The following RBM26 variants were observed in gnomAD, a reference collection of about 807,000 sequenced individuals.
The protein encoded by RBM26 is RNA binding motif protein 26, also known as RNA-binding protein 26.
A neutral mutation model predicts 123.6 loss-of-function variants in RBM26; 30 were observed. That is an observed-to-expected ratio of 0.24 (90% confidence interval 0.18 to 0.33). The LOEUF (loss-of-function observed/expected upper bound fraction) is 0.33. Ranked by LOEUF, RBM26 falls within the 10% of genes least tolerant of loss-of-function variation. RBM26 has a pLI of 1.00. For synonymous variants in RBM26, 400 were observed against 404.4 expected, an observed-to-expected ratio of 0.99 and a Z score of 0.13; for missense variants, 947 against 1,203.6, an observed-to-expected ratio of 0.79 and a Z score of 3.15.
chr13:79,376,213 T>C (rs1238436094), intron 3 of RBM26: 1 of 152,134 alleles, frequency 6.6e-6, no homozygotes, highest in African/African-American at 2.4e-5. Context: ...TTTGTTTTTT[T>C]TTTCCAGACA....
rs1593858950 is a variant in RBM26 at position 79,320,059 on chromosome 13, A to T, written c.*562T>A. On this transcript the variant is annotated 3_prime_UTR_variant, in exon 22 of 22. Coordinates refer to ENST00000438737, the MANE Select transcript of RBM26 (RefSeq NM_001366735.2). ...CATCTGGATGCATAAGGACTCATGTAAAGCAGTCATACACCATTATCATTA... is the reference window on the plus strand; with the variant it reads ...CATCTGGATGCATAAGGACTCATGTTAAGCAGTCATACACCATTATCATTA... The T allele has an allele frequency of 1.0e-6, 1 of 974,496 alleles. No individual in the cohort carries two copies. Among genetic ancestry groups the T allele is most frequent in the Admixed American group, 6.7e-5 (1 of 15,012 alleles). The allele number at this position is 974,496 out of a possible 1,614,324, so 60.4% of individuals were successfully genotyped here. A position where few individuals can be genotyped will look rare whatever the true frequency, so the allele number is the denominator to read the frequency against.
At chr13:79,357,952 G>A (rs554839362) in intron 11 of RBM26, among the ~76,000 whole-genome samples, 6 of 149,374 alleles carry the variant, frequency 4.0e-5, no homozygotes, top group South Asian at 2.1e-4. Flanking sequence ...GCGCAATCTC[G>A]GCTCGCTGCA....
intron 19 of RBM26, 119 bp from the exon 20 acceptor site, chr13:79,334,549 A>C (rs1438738964): frequency 2.0e-6 from 1 of 508,138 alleles, no homozygotes; most frequent in Non-Finnish European, 3.4e-6. Flanking sequence ...ATAACAATTC[A>C]TAATGGTTAA....
chr13:79,389,827 G>A (rs1398663397), intron 1 of RBM26, among the ~76,000 whole-genome samples: 1 of 152,052 alleles, frequency 6.6e-6, no homozygotes, highest in African/African-American at 2.4e-5. Flanking sequence ...CCCCTAAAAA[G>A]TAATAATTAC....
chr13:79,322,428 T>A lies in RBM26; in HGVS notation c.2855A>T (p.Asp952Val). 6.3e-7 allele frequency: 1 copy of A among 1,577,980 alleles called. No homozygotes were observed. The change falls in exon 21 of 22, where the codon GAT (aspartate) becomes GTT (valine). Residue 952 changes from aspartate to valine, a missense_variant. Coordinates refer to ENST00000438737, the MANE Select transcript of RBM26 (RefSeq NM_001366735.2). ...TGGTTTATTCCATGCCAGTTTTAGA[T>A]CTTGCCCTTTGAAACGAGCTCCATG... The part of the protein sequence containing the change: ...AVHGARFKGQ[D>V]LKLAWNKPVT...
At chr13:79,405,650 G>T in intron 1 of RBM26, 54 bp downstream of exon 1, 1 of 1,306,828 alleles carries the variant, frequency 7.7e-7, no homozygotes, top group Non-Finnish European at 1.1e-6. Flanking sequence ...AGATCTCTGG[G>T]TCCGCCTATC....
At chr13:79,323,334 G>A (rs1004833694) in intron 20 of RBM26, among the ~76,000 whole-genome samples, 1 of 151,478 alleles carries the variant, frequency 6.6e-6, no homozygotes, top group Non-Finnish European at 1.5e-5. Context: ...AATGATATTT[G>A]ACATAAGTTG....
intron 9 of RBM26, among the ~76,000 whole-genome samples, chr13:79,365,036 T>C (rs1030557011): frequency 2.0e-5 from 3 of 152,060 alleles, no homozygotes; most frequent in African/African-American, 7.2e-5. Context: ...GAAATTCCTT[T>C]CCTTCTTGGA....
Position 79,319,118 on chromosome 13 carries a change from C to A in RBM26, c.*1503G>T, listed in dbSNP as rs2067406701. On this transcript the variant is annotated 3_prime_UTR_variant, in exon 22 of 22. Coordinates refer to ENST00000438737, the MANE Select transcript of RBM26 (RefSeq NM_001366735.2). ...AGTGTTACCATCAAGAAAATACACA[C>A]AACTTCAACCCCAATTAGGGGTGTA... The A allele has an allele frequency of 2.0e-6, 2 of 984,494 alleles. 1 individual carries two copies. The highest frequency in any genetic ancestry group is 1.0e-3 in the Middle Eastern group (2 of 1,914). 61.0% of individuals were successfully genotyped at this position (984,494 alleles called of 1,614,324 possible). A position where few individuals can be genotyped will look rare whatever the true frequency, so the allele number is the denominator to read the frequency against.
chr13:79,315,348 T>C (rs1043107494), downstream of RBM26, among the ~76,000 whole-genome samples: 1 of 151,848 alleles, frequency 6.6e-6, no homozygotes, highest in East Asian at 1.9e-4. Flanking sequence ...TTCCAAGATG[T>C]TGTAAATAAA....
chr13:79,351,161 G>C (rs1875288825), intron 14 of RBM26, among the ~76,000 whole-genome samples: 1 of 152,046 alleles, frequency 6.6e-6, no homozygotes, highest in Admixed American at 6.6e-5. Flanking sequence ...TAAAAGCTAT[G>C]AGTACACACT....
chr13:79,373,884 T>TTG lies in RBM26; in HGVS notation c.328-1955_328-1954insCA, dbSNP rs558968809. ...GCTACTAGAAAGCAACCTTGGAAAA[T>TTG]ATTCTCAGTGCTACTTTCTCCAGAC... On this transcript the variant is annotated intron_variant, in intron 3 of 21. Coordinates refer to ENST00000438737, the MANE Select transcript of RBM26 (RefSeq NM_001366735.2). Among the ~76,000 whole-genome samples, 383 of 150,678 alleles carry TTG rather than the reference T, an allele frequency of 2.5e-3. 2 individuals are homozygous for TTG. Among genetic ancestry groups the TTG allele is most frequent in the African/African-American group, 8.4e-3 (346 of 40,980 alleles).
At chr13:79,373,556 CT>C (rs1188401732) in intron 3 of RBM26, among the ~76,000 whole-genome samples, 2 of 97,656 alleles carry the variant, frequency 2.0e-5, no homozygotes, top group South Asian at 2.7e-4. Context: ...TTATATATTA[CT>C]ATATATATTT....
rs537624854 is a variant in RBM26 at position 79,319,915 on chromosome 13, CTTTTT to C, written c.*701_*705del. ...ATTTTTTTCTTTTCTTTTTTCTTTT[CTTTTT>C]TTTTTTAAATCAAGGAACATTGTCT... On this transcript the variant is annotated 3_prime_UTR_variant, in exon 22 of 22. Transcript: ENST00000438737. 2.7e-6 allele frequency: 1 copy of C among 374,590 alleles called. No individual in the cohort carries two copies. The highest frequency in any genetic ancestry group is 7.0e-5 in the African/African-American group (1 of 14,220). 23.2% of individuals were successfully genotyped at this position (374,590 alleles called of 1,614,324 possible).
Position 79,337,138 on chromosome 13 carries a change from C to T in RBM26, c.2697G>A (p.Thr899=), listed in dbSNP as rs777098333. 65 of 1,613,902 alleles carry T rather than the reference C, an allele frequency of 4.0e-5. No individual in the cohort carries two copies. The highest frequency in any genetic ancestry group is 4.9e-5 in the Non-Finnish European group (58 of 1,180,012). Residue 899 remains threonine (T), a synonymous_variant, in exon 19 of 22, where the codon ACG becomes ACA. Transcript: ENST00000438737. Reference sequence around the variant, plus strand: ...GAAGAAGATCTTCTCTATCGCTCTCCGTAAATGCAGAAATCTCCAATGCCC... The same window carrying T: ...GAAGAAGATCTTCTCTATCGCTCTCTGTAAATGCAGAAATCTCCAATGCCC... The part of the protein sequence containing the change: ...RPRALEISAF[T]ESDREDLLPH...
chr13:79,357,161 T>C (rs138428759), intron 11 of RBM26, among the ~76,000 whole-genome samples: 1 of 152,240 alleles, frequency 6.6e-6, no homozygotes, highest in African/African-American at 2.4e-5. Flanking sequence ...AATAGACAGT[T>C]GAAAGGGAAC....
At position 79,320,604 on chromosome 13, in the gene RBM26, A is replaced by T. The variant is rs751903650; in HGVS notation, c.*17T>A. ...ACAGGTAGAGTTCTAGCATATGCAG[A>T]TCAATGATCAGTCAAATCATCTTCT... On this transcript the variant is annotated 3_prime_UTR_variant, in exon 22 of 22. Coordinates refer to ENST00000438737, the MANE Select transcript of RBM26 (RefSeq NM_001366735.2). The T allele has an allele frequency of 1.3e-6, 2 of 1,578,308 alleles. No homozygotes were observed. The highest frequency in any genetic ancestry group is 3.8e-5 in the Admixed American group (2 of 52,478).
At chr13:79,347,186 T>C (rs1003873749) in intron 14 of RBM26, among the ~76,000 whole-genome samples, 1 of 152,194 alleles carries the variant, frequency 6.6e-6, no homozygotes, top group Non-Finnish European at 1.5e-5. Flanking sequence ...TCCCATTTCC[T>C]TTTTTATCCA....
chr13:79,321,745 T>C (rs1450866432), intron 21 of RBM26, among the ~76,000 whole-genome samples: 1 of 151,432 alleles, frequency 6.6e-6, no homozygotes, highest in Non-Finnish European at 1.5e-5. Context: ...ATACCTCCTT[T>C]AAAATTTTTG....
Sources: allele counts gnomAD v4.1 joint callset (sites outside exome capture counted in the v4.1 genomes callset), GRCh38; gene constraint gnomAD v4.1.1; transcripts MANE v1.5; gene names NCBI Gene and HGNC (gene_info 2026-07-23, HGNC 2026-07-21).